The following EPB41L3 variants were observed in gnomAD, a reference collection of about 807,000 sequenced individuals.
The protein encoded by EPB41L3 is erythrocyte membrane protein band 4.1 like 3, also known as band 4.1-like protein 3.
EPB41L3 carries 57 observed loss-of-function variants against 127.1 expected under a neutral mutation model. The observed-to-expected ratio is 0.45, with a 90% CI of 0.36 to 0.56. EPB41L3 has a LOEUF of 0.56. Ranked by LOEUF, EPB41L3 falls within the 20% of genes least tolerant of loss-of-function variation. EPB41L3 has a pLI of 0.00. For synonymous variants in EPB41L3, 572 were observed against 549.5 expected (o/e 1.04, Z -0.57); for missense variants, 1,273 against 1,372.2 (o/e 0.93, Z 1.14).
intron 1 of EPB41L3, among the ~76,000 whole-genome samples, chr18:5,501,327 C>T (rs8088620): frequency 0.16 from 23,851 of 151,972 alleles, 1,978 homozygotes; most frequent in African/African-American, 0.17. Flanking sequence ...TTCATTTAAC[C>T]TAAATGTGTC....
chr18:5,405,747 G>T (rs1312440294), intron 16 of EPB41L3, among the ~76,000 whole-genome samples: 1 of 150,918 alleles, frequency 6.6e-6, no homozygotes, highest in Middle Eastern at 3.2e-3. Context: ...CTGCACTTCA[G>T]CATGGGCGAC....
chr18:5,511,029 C>G (rs1336000156), intron 1 of EPB41L3, among the ~76,000 whole-genome samples: 1 of 152,016 alleles, frequency 6.6e-6, no homozygotes, highest in Non-Finnish European at 1.5e-5. Flanking sequence ...TGGGAAATAA[C>G]TGAGCTCCTC....
intron 5 of EPB41L3, among the ~76,000 whole-genome samples, chr18:5,440,483 G>A (rs1231751568): frequency 1.3e-5 from 2 of 152,050 alleles, no homozygotes; most frequent in Non-Finnish European, 2.9e-5. Context: ...AAGTGCTTAC[G>A]CAATAAATAA....
intron 13 of EPB41L3, among the ~76,000 whole-genome samples, chr18:5,412,802 A>T (rs1392578555): frequency 6.6e-6 from 1 of 152,078 alleles, no homozygotes; most frequent in Non-Finnish European, 1.5e-5. Flanking sequence ...TGGGGAAAAT[A>T]ACAGCCCTAA....
intron 2 of EPB41L3, among the ~76,000 whole-genome samples, chr18:5,484,196 C>A (rs2089285515): frequency 7.1e-6 from 1 of 140,660 alleles, no homozygotes; most frequent in African/African-American, 2.6e-5. Flanking sequence ...AGAGGAACCT[C>A]AGAAAATACA....
chr18:5,540,640 G>A (rs1197352516), intron 1 of EPB41L3: 1 of 700,886 alleles, frequency 1.4e-6, no homozygotes, highest in Non-Finnish European at 1.8e-6. Context: ...TAGATGCAGC[G>A]ATTGCACGAT....
intron 3 of EPB41L3, among the ~76,000 whole-genome samples, chr18:5,453,133 G>A (rs8085796): frequency 0.037 from 5,623 of 152,238 alleles, 368 homozygotes; most frequent in African/African-American, 0.13. Flanking sequence ...CACAAATTGC[G>A]CCAAGTCTCA....
chr18:5,448,849 T>C (rs1358761365), intron 3 of EPB41L3, among the ~76,000 whole-genome samples: 1 of 152,196 alleles, frequency 6.6e-6, no homozygotes. Context: ...CTGTTTCTGA[T>C]AGAGTAAATG....
At chr18:5,557,275 T>C (rs373675761) in intron 3 of EPB41L3, among the ~76,000 whole-genome samples, 35 of 152,226 alleles carry the variant, frequency 2.3e-4, no homozygotes, top group African/African-American at 7.7e-4. Flanking sequence ...TAAAAAAGCA[T>C]ATAAAAATAG....
chr18:5,599,132 A>G (rs979676794), intron 3 of EPB41L3, among the ~76,000 whole-genome samples: 18 of 152,152 alleles, frequency 1.2e-4, no homozygotes, highest in Non-Finnish European at 2.2e-4. Context: ...AAATCATTTG[A>G]TTTTTCCATG....
chr18:5,402,607 G>T (rs2074686647), intron 16 of EPB41L3, among the ~76,000 whole-genome samples: 1 of 152,118 alleles, frequency 6.6e-6, no homozygotes, highest in African/African-American at 2.4e-5. Flanking sequence ...ATGTAATTCT[G>T]TATATGGTCA....
At chr18:5,626,354 T>G (rs975296001) in intron 1 of EPB41L3, among the ~76,000 whole-genome samples, 1 of 152,246 alleles carries the variant, frequency 6.6e-6, no homozygotes, top group African/African-American at 2.4e-5. Context: ...TGGTGGCTAC[T>G]TTGAGTATTA....
intron 16 of EPB41L3, chr18:5,401,079 A>G (rs2074420991): frequency 7.2e-7 from 1 of 1,390,934 alleles, no homozygotes; most frequent in East Asian, 2.5e-5. Flanking sequence ...GGAGAAGAGG[A>G]AGTAGACAGT....
At chr18:5,587,757 C>A (rs1176667869) in intron 3 of EPB41L3, among the ~76,000 whole-genome samples, 2 of 152,032 alleles carry the variant, frequency 1.3e-5, no homozygotes, top group East Asian at 1.9e-4. Context: ...TTCCAGAGAG[C>A]AGCTAGAGTT....
intron 3 of EPB41L3, among the ~76,000 whole-genome samples, chr18:5,474,266 G>A (rs1338149257): frequency 1.3e-4 from 19 of 151,900 alleles, no homozygotes; most frequent in Admixed American, 1.2e-3. Flanking sequence ...GAAAAGCACT[G>A]AACACTACAA....
intron 1 of EPB41L3, among the ~76,000 whole-genome samples, chr18:5,489,741 C>A (rs2090364555): frequency 6.6e-6 from 1 of 152,214 alleles, no homozygotes; most frequent in Non-Finnish European, 1.5e-5. Context: ...AACTGAGCTA[C>A]AACAGCAGCT....
chr18:5,438,132 AG>A (rs2080136151), intron 5 of EPB41L3, 22 bp from the exon 6 acceptor site: 1 of 1,609,740 alleles, frequency 6.2e-7, no homozygotes, highest in South Asian at 1.1e-5. Context: ...GAAAAAAATT[AG>A]AGTAAAACCT....
At chr18:5,411,197 A>G (rs776583922) in intron 13 of EPB41L3, among the ~76,000 whole-genome samples, 50 of 152,312 alleles carry the variant, frequency 3.3e-4, no homozygotes, top group South Asian at 2.7e-3. Flanking sequence ...TCACAGGCAT[A>G]TATTTTTTAT....
chr18:5,509,627 G>T lies in EPB41L3; in HGVS notation c.-11-20433C>A, dbSNP rs1257813872. ...GAAACCGTGAAATCAGAGTCAAATTGTTCTGCTTACCTTTGCCAAATCACC... is the reference window on the plus strand; with the variant it reads ...GAAACCGTGAAATCAGAGTCAAATTTTTCTGCTTACCTTTGCCAAATCACC... On this transcript the variant is annotated intron_variant, in intron 1 of 22. Transcript: ENST00000341928. Among the ~76,000 whole-genome samples the T allele has an allele frequency of 2.6e-5, 4 of 152,156 alleles. No homozygotes were observed. The East Asian group carries it at 7.7e-4, about 29-fold the overall frequency.
Sources: allele counts gnomAD v4.1 joint callset (sites outside exome capture counted in the v4.1 genomes callset), GRCh38; gene constraint gnomAD v4.1.1; transcripts MANE v1.5; gene names NCBI Gene and HGNC (gene_info 2026-07-23, HGNC 2026-07-21).